Variants in KATNIP observed in about 807,000 individuals in gnomAD.
KATNIP encodes katanin-interacting protein.
Under a neutral mutation model 174.0 loss-of-function variants are expected in KATNIP, and 126 were observed. That is an observed-to-expected ratio of 0.72 (90% confidence interval 0.63 to 0.84). The LOEUF is 0.84. Among genes scored for constraint, KATNIP ranks in the 40% least tolerant of loss-of-function variants. The pLI is 0.00. For missense variants in KATNIP, 1,958 were observed against 2,109.7 expected (o/e 0.93, Z 1.41); for synonymous variants, 810 against 835.7 (o/e 0.97, Z 0.53).
chr16:27,729,862 C>T (rs939120160), intron 14 of KATNIP, among the ~76,000 whole-genome samples: 1 of 152,236 alleles, frequency 6.6e-6, no homozygotes, highest in African/African-American at 2.4e-5. Flanking sequence ...AGTCTCCTTC[C>T]CAATCCAGCT....
At chr16:27,568,843 T>C (rs2090181759) in intron 1 of KATNIP, among the ~76,000 whole-genome samples, 2 of 152,052 alleles carry the variant, frequency 1.3e-5, no homozygotes, top group Non-Finnish European at 2.9e-5. Context: ...TTCTACTGAG[T>C]TCCTTTTATT....
chr16:27,662,581 C>G (rs2077561593), intron 6 of KATNIP, among the ~76,000 whole-genome samples: 1 of 152,140 alleles, frequency 6.6e-6, no homozygotes, highest in South Asian at 2.1e-4. Context: ...TGAACAAGCA[C>G]TAAATGCCCA....
At chr16:27,581,768 AAGTCCACTGTGTCATTCTT>A (rs1440685874) in intron 2 of KATNIP, among the ~76,000 whole-genome samples, 2 of 152,036 alleles carry the variant, frequency 1.3e-5, no homozygotes, top group African/African-American at 4.8e-5. Context: ...TGAGTCCCCA[AAGTCCACTGTGTCATTCTT>A]ATAGCCTTTG....
intron 12 of KATNIP, 113 bp from the exon 13 acceptor site, chr16:27,708,592 A>G: frequency 2.9e-6 from 2 of 697,954 alleles, no homozygotes; most frequent in Admixed American, 5.3e-5. Context: ...ACAGATGGAG[A>G]GACTGAGACC....
intron 1 of KATNIP, among the ~76,000 whole-genome samples, chr16:27,565,474 A>T (rs563051663): frequency 6.6e-6 from 1 of 151,834 alleles, no homozygotes; most frequent in Admixed American, 6.5e-5. Flanking sequence ...TCAAAAAAAA[A>T]AAAAAAGGAA....
intron 1 of KATNIP, among the ~76,000 whole-genome samples, chr16:27,559,158 T>C (rs1377391172): frequency 6.6e-6 from 1 of 152,220 alleles, no homozygotes; most frequent in East Asian, 1.9e-4. Flanking sequence ...TGAAACTGTT[T>C]GCAGAGCACT....
At chr16:27,554,910 C>T (rs2089550834) in intron 1 of KATNIP, among the ~76,000 whole-genome samples, 1 of 150,758 alleles carries the variant, frequency 6.6e-6, no homozygotes, top group East Asian at 2.0e-4. Flanking sequence ...TCTCTTGCCT[C>T]AGCCTCCTGA....
At chr16:27,607,152 G>A (rs2075734383) in intron 2 of KATNIP, among the ~76,000 whole-genome samples, 1 of 152,146 alleles carries the variant, frequency 6.6e-6, no homozygotes, top group Non-Finnish European at 1.5e-5. Flanking sequence ...CCCTTGCAGT[G>A]TTGGGAGTGT....
At chr16:27,723,645 A>G (rs1460184978) in intron 14 of KATNIP, among the ~76,000 whole-genome samples, 1 of 152,214 alleles carries the variant, frequency 6.6e-6, no homozygotes, top group Non-Finnish European at 1.5e-5. Flanking sequence ...GAATGAATGA[A>G]TGAGCTCATG....
Position 27,751,712 on chromosome 16 carries a change from C to A in KATNIP, c.3347-7C>A, listed in dbSNP as rs2081523594. On this transcript the variant is annotated splice_region_variant and splice_polypyrimidine_tract_variant and intron_variant, in intron 16 of 27. Transcript: ENST00000261588. ...TTGACCTTTCTGTCATCTTGATAACCCATTAGCCCCAGAGCACTTTGGAGA... is the reference window on the plus strand; with the variant it reads ...TTGACCTTTCTGTCATCTTGATAACACATTAGCCCCAGAGCACTTTGGAGA... 2 of 1,613,732 alleles carry A rather than the reference C, an allele frequency of 1.2e-6. No individual in the cohort carries two copies. The highest frequency in any genetic ancestry group is 8.5e-7 in the Non-Finnish European group (1 of 1,179,760).
intron 3 of KATNIP, among the ~76,000 whole-genome samples, chr16:27,622,888 T>A (rs1440697880): frequency 1.3e-5 from 2 of 151,650 alleles, no homozygotes; most frequent in Admixed American, 1.3e-4. Flanking sequence ...CCCAGGGAGG[T>A]TTAGGAACTT....
At chr16:27,663,969 C>G (rs1279417329) in intron 6 of KATNIP, among the ~76,000 whole-genome samples, 1 of 152,046 alleles carries the variant, frequency 6.6e-6, no homozygotes, top group African/African-American at 2.4e-5. Context: ...CGCCACCATG[C>G]CTGGCTAATC....
At chr16:27,733,027 T>C (rs1330531633) in intron 14 of KATNIP, among the ~76,000 whole-genome samples, 1 of 152,228 alleles carries the variant, frequency 6.6e-6, no homozygotes, top group Non-Finnish European at 1.5e-5. Flanking sequence ...TCCATTTGCC[T>C]TAACGGACCC....
chr16:27,743,907 G>A (rs1463517051), intron 15 of KATNIP, among the ~76,000 whole-genome samples: 1 of 152,130 alleles, frequency 6.6e-6, no homozygotes, highest in Non-Finnish European at 1.5e-5. Context: ...AACAGTCGGT[G>A]CAAAGCCTCC....
chr16:27,617,468 A>G (rs1481922614), intron 2 of KATNIP, among the ~76,000 whole-genome samples: 2 of 152,186 alleles, frequency 1.3e-5, no homozygotes, highest in Non-Finnish European at 2.9e-5. Context: ...TGACTGGGGG[A>G]AGCCCTATGT....
chr16:27,591,385 A>G (rs938793398), intron 2 of KATNIP, among the ~76,000 whole-genome samples: 1 of 151,950 alleles, frequency 6.6e-6, no homozygotes, highest in South Asian at 2.1e-4. Flanking sequence ...TGGTTTCACC[A>G]TCTTGGCCAG....
chr16:27,732,569 G>A (rs776575103), intron 14 of KATNIP, among the ~76,000 whole-genome samples: 1 of 152,144 alleles, frequency 6.6e-6, no homozygotes, highest in Non-Finnish European at 1.5e-5. Context: ...GCCCAACCCC[G>A]AAACCTCAGA....
chr16:27,740,732 C>T lies in KATNIP; in HGVS notation c.2435C>T (p.Pro812Leu), dbSNP rs2081073069. The change falls in exon 15 of 28, where the codon CCA becomes CTA. Residue 812 changes from proline (P) to leucine (L), a missense_variant. This residue lies in a region of KATNIP where 1,557 missense variants were observed against 1,617.8 expected (regional missense o/e 0.96). Transcript: ENST00000261588. ...AGGGATAAAGGCCTACGGCATGAGC[C>T]AGGGTGGGGGACCAGCCGGAGTGTC... is the stretch of plus-strand genomic sequence containing the variant. ...EARDKGLRHE[P>L]GWGTSRSVNT... 1.2e-6 allele frequency: 2 copies of T among 1,614,078 alleles called. No homozygotes were observed. Among genetic ancestry groups the T allele is most frequent in the African/African-American group, 2.7e-5 (2 of 74,946 alleles).
In KATNIP at chr16:27,662,077, C is replaced by CAT. The variant is rs1450430179; in HGVS notation, c.540+13352_540+13353dup. ...ATATATATATATATATATATACACA[C>CAT]ATATATATATACACATACATATATA... On this transcript the variant is annotated intron_variant, in intron 6 of 27. Coordinates refer to ENST00000261588, the MANE Select transcript of KATNIP (RefSeq NM_015202.5). 6.6e-5 allele frequency among the ~76,000 whole-genome samples: 4 copies of CAT among 60,704 alleles called. 1 individual carries two copies. Among genetic ancestry groups the CAT allele is most frequent in the South Asian group, 3.6e-4 (1 of 2,742 alleles). The allele number at this position is 60,704 out of a possible 152,430, so 39.8% of individuals were successfully genotyped here. A position where few individuals can be genotyped will look rare whatever the true frequency, so the allele number is the denominator to read the frequency against.
Sources: allele counts gnomAD v4.1 joint callset (sites outside exome capture counted in the v4.1 genomes callset), GRCh38; gene constraint gnomAD v4.1.1; regional missense constraint gnomAD v4.1.1; transcripts MANE v1.5; gene names NCBI Gene and HGNC (gene_info 2026-07-23, HGNC 2026-07-21).